Variants in ZDHHC23 observed in about 807,000 individuals in gnomAD.
ZDHHC23 encodes palmitoyltransferase ZDHHC23.
A neutral mutation model predicts 40.2 loss-of-function variants in ZDHHC23; 41 were observed. That is an observed-to-expected ratio of 1.02 (90% CI 0.79 to 1.32). The LOEUF (loss-of-function observed/expected upper bound fraction) is 1.32. ZDHHC23 is among the 40% of genes most tolerant of loss of function. The pLI is 0.00. For missense variants in ZDHHC23, 471 were observed against 541.5 expected (o/e 0.87, Z 1.29); for synonymous variants, 204 against 210.2 (o/e 0.97, Z 0.26).
At chr3:113,951,004 A>T (rs1938602154) in intron 2 of ZDHHC23, among the ~76,000 whole-genome samples, 2 of 152,202 alleles carry the variant, frequency 1.3e-5, no homozygotes, top group African/African-American at 4.8e-5. Context: ...TGCCTTCTGG[A>T]CACACTGGGT....
Position 113,961,597 on chromosome 3 carries a change from A to C in ZDHHC23, c.*2967A>C, listed in dbSNP as rs2107524336. On this transcript the variant is annotated 3_prime_UTR_variant, in exon 5 of 5. Coordinates refer to ENST00000638807, the MANE Select transcript of ZDHHC23 (RefSeq NM_001320466.2). ...GACAACGTGCTGCTTATTCCACCTC[A>C]GCCACATATGTGTTTGTGTTTAGGA... 1 of 152,738 alleles carries C rather than the reference A, an allele frequency of 6.5e-6. No homozygotes were observed. Among genetic ancestry groups the C allele is most frequent in the East Asian group, 1.9e-4 (1 of 5,190 alleles). The allele number at this position is 152,738 out of a possible 1,614,324, so 9.5% of individuals were successfully genotyped here.
chr3:113,950,143 C>T (rs919484411), intron 2 of ZDHHC23, among the ~76,000 whole-genome samples: 1 of 152,164 alleles, frequency 6.6e-6, no homozygotes, highest in African/African-American at 2.4e-5. Context: ...GTGTTTCCAC[C>T]GTGCCTGCTG....
chr3:113,958,696 T>C lies in ZDHHC23; in HGVS notation c.*66T>C, dbSNP rs1295054999. The C allele has an allele frequency of 4.4e-6, 7 of 1,593,776 alleles. No homozygotes were observed. The highest frequency in any genetic ancestry group is 5.9e-6 in the Non-Finnish European group (7 of 1,177,648). On this transcript the variant is annotated 3_prime_UTR_variant, in exon 5 of 5. Transcript: ENST00000638807. ...CTTCCGTCTCCCTTCCATTTTACAC[T>C]TCAGTGTCCATTTCTATCCCCAGTT...
Position 113,960,828 on chromosome 3 carries a change from C to G in ZDHHC23, c.*2198C>G, listed in dbSNP as rs1939631199. The G allele has an allele frequency of 6.7e-7, 1 of 1,483,432 alleles. No homozygotes were observed. Among genetic ancestry groups the G allele is most frequent in the African/African-American group, 1.5e-5 (1 of 68,446 alleles). The allele number at this position is 1,483,432 out of a possible 1,614,324, so 91.9% of individuals were successfully genotyped here. The stretch of plus-strand genomic sequence containing the variant: ...TACTTGTTTTAAGTTCCTTGAGAAC[C>G]CATGATGGACAGTTGACAGAATGCT... On this transcript the variant is annotated 3_prime_UTR_variant, in exon 5 of 5. Coordinates refer to ENST00000638807, the MANE Select transcript of ZDHHC23 (RefSeq NM_001320466.2).
the ZDHHC23 span, among the ~76,000 whole-genome samples, chr3:113,974,672 A>C: frequency 6.6e-6 from 1 of 152,150 alleles, no homozygotes; most frequent in East Asian, 1.9e-4. Context: ...CTGAAGGATT[A>C]TTTATTTATT....
intron 2 of ZDHHC23, among the ~76,000 whole-genome samples, chr3:113,951,157 G>A (rs780314241): frequency 2.0e-5 from 3 of 152,104 alleles, no homozygotes; most frequent in Non-Finnish European, 4.4e-5. Context: ...GTGGCTCTAC[G>A]GGGCTCTTGG....
intron 2 of ZDHHC23, among the ~76,000 whole-genome samples, chr3:113,949,472 C>T (rs1368599804): frequency 6.6e-6 from 1 of 152,160 alleles, no homozygotes; most frequent in African/African-American, 2.4e-5. Context: ...GCATGTATCT[C>T]CCCTGGATTC....
chr3:113,964,891 C>T (rs1402027282), downstream of ZDHHC23: 3 of 260,222 alleles, frequency 1.2e-5, no homozygotes, highest in South Asian at 5.0e-4. Flanking sequence ...GTTTACTATG[C>T]TAAAAATATA....
At chr3:113,967,659 CTGGTTATTT>C (rs550836523), downstream of ZDHHC23, among the ~76,000 whole-genome samples, 81 of 152,264 alleles carry the variant, frequency 5.3e-4, 1 homozygote, top group African/African-American at 1.8e-3. Context: ...TTATTCTCTT[CTGGTTATTT>C]TGAAATGCAC....
At chr3:113,954,537 G>A in intron 3 of ZDHHC23, 127 bp downstream of exon 3, 1 of 913,740 alleles carries the variant, frequency 1.1e-6, no homozygotes, top group Non-Finnish European at 1.6e-6. Context: ...AGATATTTGT[G>A]GGTTGTTGTG....
chr3:113,966,075 C>A (rs1373199907), downstream of ZDHHC23, among the ~76,000 whole-genome samples: 1 of 152,086 alleles, frequency 6.6e-6, no homozygotes, highest in Non-Finnish European at 1.5e-5. Context: ...GAAACCACAA[C>A]CCTCAACGCA....
At chr3:113,966,018 T>G (rs1940123338), downstream of ZDHHC23, among the ~76,000 whole-genome samples, 1 of 152,112 alleles carries the variant, frequency 6.6e-6, no homozygotes. Context: ...GATTATAGCA[T>G]ACATATTGTA....
At position 113,953,951 on chromosome 3, in the gene ZDHHC23, C is replaced by A. The variant is rs772567909; in HGVS notation, c.413C>A (p.Thr138Asn). Reference sequence around the variant, plus strand: ...CTCACTCACAGAAGGAAAGAACAGACCCTGTTTTTCCTGAGCCTTGGACTG... The same window carrying A: ...CTCACTCACAGAAGGAAAGAACAGAACCTGTTTTTCCTGAGCCTTGGACTG... ...YYLTHRRKEQ[T>N]LFFLSLGLFS... The change falls in exon 3 of 5, where the codon ACC becomes AAC. Residue 138 changes from threonine (T) to asparagine (N), a missense_variant. Transcript: ENST00000638807. 5.3e-5 allele frequency: 86 copies of A among 1,614,000 alleles called. 1 individual carries two copies. Among genetic ancestry groups the A allele is most frequent in the Non-Finnish European group, 4.7e-5 (56 of 1,180,030 alleles).
downstream of ZDHHC23, among the ~76,000 whole-genome samples, chr3:113,966,520 A>C (rs532764249): frequency 4.6e-5 from 7 of 152,284 alleles, no homozygotes; most frequent in East Asian, 3.9e-4. Flanking sequence ...GTCTGAACTG[A>C]ATTTTTGTCA....
At chr3:113,949,760 G>A (rs950756708) in intron 2 of ZDHHC23, among the ~76,000 whole-genome samples, 1 of 152,146 alleles carries the variant, frequency 6.6e-6, no homozygotes, top group Non-Finnish European at 1.5e-5. Flanking sequence ...CATTGCAACT[G>A]CCAATTTGTT....
rs1577275774 is a variant in ZDHHC23 at position 113,960,075 on chromosome 3, C to T, written c.*1445C>T. ...TCATGACTCCTTAAATTTGCCTTGG[C>T]TTATAGCTTAATATAGGGAAAATAT... On this transcript the variant is annotated 3_prime_UTR_variant, in exon 5 of 5. Coordinates refer to ENST00000638807, the MANE Select transcript of ZDHHC23 (RefSeq NM_001320466.2). The T allele has an allele frequency of 9.1e-6, 9 of 989,606 alleles. No individual in the cohort carries two copies. Among genetic ancestry groups the T allele is most frequent in the Non-Finnish European group, 1.1e-5 (9 of 832,264 alleles). 61.3% of individuals were successfully genotyped at this position (989,606 alleles called of 1,614,324 possible).
intron 3 of ZDHHC23, among the ~76,000 whole-genome samples, chr3:113,956,023 C>G (rs1411172221): frequency 6.6e-6 from 1 of 152,116 alleles, no homozygotes; most frequent in East Asian, 1.9e-4. Context: ...GTGGGTGGAT[C>G]ATGAGGTCAG....
intron 4 of ZDHHC23, chr3:113,957,853 T>C (rs746170748): frequency 1.9e-6 from 1 of 518,050 alleles, no homozygotes; most frequent in Non-Finnish European, 3.9e-6. Flanking sequence ...TACATCCAGG[T>C]AAGCACAGGG....
Position 113,959,483 on chromosome 3 carries a change from G to A in ZDHHC23, c.*853G>A, listed in dbSNP as rs776331527. ...GGGTTTCTTATAAATAACTCCAACA[G>A]GCATTCATGTGTTTTTCCTCTTCCC... On this transcript the variant is annotated 3_prime_UTR_variant, in exon 5 of 5. Coordinates refer to ENST00000638807, the MANE Select transcript of ZDHHC23 (RefSeq NM_001320466.2). 2.4e-6 allele frequency: 3 copies of A among 1,273,902 alleles called. No homozygotes were observed. In the South Asian group the frequency reaches 3.8e-5, roughly 16 times the overall value. 78.9% of individuals were successfully genotyped at this position (1,273,902 alleles called of 1,614,324 possible). A position where few individuals can be genotyped will look rare whatever the true frequency, so the allele number is the denominator to read the frequency against.
Sources: gnomAD v4.1 joint callset for allele counts (sites outside exome capture counted in the v4.1 genomes callset) on GRCh38, gnomAD v4.1.1 for gene constraint, MANE v1.5 for transcripts, NCBI Gene and HGNC (gene_info 2026-07-23, HGNC 2026-07-21) for gene names.